Variants in EFCAB5 observed in about 807,000 individuals in gnomAD.
EFCAB5 encodes EF-hand calcium-binding domain-containing protein 5.
EFCAB5 carries 131 observed loss-of-function variants against 167.9 expected under a neutral mutation model. That is an observed-to-expected ratio of 0.78 (90% CI 0.68 to 0.90). The LOEUF (loss-of-function observed/expected upper bound fraction) is 0.90. Ranked by LOEUF, EFCAB5 falls within the 40% of genes least tolerant of loss-of-function variation. The probability of loss-of-function intolerance (pLI) is 0.00; values close to 1 mark genes in which losing one functional copy is unlikely to be tolerated. For missense variants in EFCAB5, 1,663 were observed against 1,745.2 expected (o/e 0.95, Z 0.84); for synonymous variants, 574 against 602.8 (o/e 0.95, Z 0.70).
At chr17:30,102,278 G>T (rs1267628574) in intron 22 of EFCAB5, among the ~76,000 whole-genome samples, 4 of 152,270 alleles carry the variant, frequency 2.6e-5, no homozygotes, top group African/African-American at 9.6e-5. Context: ...AGAAGAAGTT[G>T]TTGGGACTTT....
intron 4 of EFCAB5, among the ~76,000 whole-genome samples, chr17:29,975,280 A>G (rs1267790492): frequency 6.7e-6 from 1 of 148,790 alleles, no homozygotes; most frequent in Non-Finnish European, 1.5e-5. Flanking sequence ...TTTTTTTGAG[A>G]CGAAATCTCA....
chr17:29,981,176 T>G (rs2068166231), intron 4 of EFCAB5, among the ~76,000 whole-genome samples: 1 of 152,194 alleles, frequency 6.6e-6, no homozygotes, highest in South Asian at 2.1e-4. Flanking sequence ...ATGTGAACCC[T>G]TTCAGTGGTA....
chr17:29,947,571 T>A (rs993179963), intron 3 of EFCAB5, among the ~76,000 whole-genome samples: 38 of 152,080 alleles, frequency 2.5e-4, no homozygotes, highest in African/African-American at 7.7e-4. Flanking sequence ...AAATTTAAAA[T>A]TTTTTTTTAA....
chr17:30,075,406 G>A (rs1345075207), intron 14 of EFCAB5, among the ~76,000 whole-genome samples: 1 of 152,072 alleles, frequency 6.6e-6, no homozygotes, highest in Non-Finnish European at 1.5e-5. Context: ...ACATTTTCAT[G>A]TGGATTCCCT....
At chr17:30,022,999 C>T (rs1462648707) in intron 7 of EFCAB5, among the ~76,000 whole-genome samples, 2 of 151,732 alleles carry the variant, frequency 1.3e-5, no homozygotes, top group Non-Finnish European at 2.9e-5. Flanking sequence ...AAAGACACAA[C>T]ATACCAGAAT....
At chr17:29,947,669 C>G (rs1208905381) in intron 3 of EFCAB5, among the ~76,000 whole-genome samples, 2 of 152,056 alleles carry the variant, frequency 1.3e-5, no homozygotes, top group African/African-American at 2.4e-5. Context: ...AAATTTTCTT[C>G]CTGGCAAGTC....
chr17:30,086,795 G>C (rs910469028), intron 18 of EFCAB5, among the ~76,000 whole-genome samples: 1 of 152,142 alleles, frequency 6.6e-6, no homozygotes. Context: ...GGGAGGCTGA[G>C]GCAGGAGAAT....
chr17:29,947,440 G>A (rs1315257148), intron 3 of EFCAB5, among the ~76,000 whole-genome samples: 1 of 151,724 alleles, frequency 6.6e-6, no homozygotes, highest in Non-Finnish European at 1.5e-5. Flanking sequence ...GAGGGGCAAG[G>A]GATTTAAAAA....
chr17:29,960,782 T>A, intron 3 of EFCAB5, among the ~76,000 whole-genome samples: 1 of 152,204 alleles, frequency 6.6e-6, no homozygotes, highest in East Asian at 1.9e-4. Flanking sequence ...TTTGGATATA[T>A]ACATAGAAGT....
intron 14 of EFCAB5, among the ~76,000 whole-genome samples, chr17:30,066,198 T>A (rs970457652): frequency 1.3e-5 from 2 of 152,074 alleles, no homozygotes; most frequent in African/African-American, 2.4e-5. Context: ...ATAGACCACA[T>A]GCTAAGTCAC....
intron 22 of EFCAB5, among the ~76,000 whole-genome samples, chr17:30,105,401 C>A (rs895334425): frequency 2.6e-5 from 4 of 152,074 alleles, no homozygotes; most frequent in Admixed American, 2.6e-4. Flanking sequence ...GCAGGAAAAT[C>A]GCTTGAACCC....
In EFCAB5 at chr17:29,968,952, C is replaced by T. The variant is rs372679787; in HGVS notation, c.352C>T (p.Leu118Phe). The T allele has an allele frequency of 1.7e-5, 27 of 1,588,012 alleles. No homozygotes were observed. The African/African-American group carries it at 3.0e-4, about 17-fold the overall frequency. Reference sequence around the variant, plus strand: ...GCCAGAGCACACATGGAAGAAAAACCTTTTTGAAAGAATGGAGGCAAGAGC... The same window carrying T: ...GCCAGAGCACACATGGAAGAAAAACTTTTTTGAAAGAATGGAGGCAAGAGC... ...SKPEHTWKKN[L>F]FERMEARAQA... The change falls in exon 4 of 23, where the codon CTT becomes TTT. Residue 118 changes from leucine (L) to phenylalanine (F), a missense_variant. Coordinates refer to ENST00000394835, the MANE Select transcript of EFCAB5 (RefSeq NM_198529.4).
intron 6 of EFCAB5, among the ~76,000 whole-genome samples, chr17:29,997,925 G>A (rs1218489738): frequency 1.8e-4 from 27 of 148,338 alleles, no homozygotes; most frequent in Admixed American, 1.3e-3. Flanking sequence ...TTCCCTATAT[G>A]AAATTAGGTG....
chr17:29,972,623 C>T lies in EFCAB5; in HGVS notation c.767+3256C>T, dbSNP rs79547318. On this transcript the variant is annotated intron_variant, in intron 4 of 22. Transcript: ENST00000394835. ...ACCCTTCTTGATCCAGGAGTGGACC[C>T]TGGTCTCATTGGAGCCAGTTGGGGT... 8.7e-3 allele frequency: 1,341 copies of T among 154,616 alleles called. 7 individuals carry two copies. The highest frequency in any genetic ancestry group is 0.014 in the Non-Finnish European group (952 of 69,160). 9.6% of individuals were successfully genotyped at this position (154,616 alleles called of 1,614,324 possible).
At chr17:30,090,720 T>C in intron 20 of EFCAB5, 46 bp downstream of exon 20, 3 of 1,561,852 alleles carry the variant, frequency 1.9e-6, no homozygotes, top group Non-Finnish European at 2.6e-6. Flanking sequence ...TTTAATAGGT[T>C]TTGGGGAAAT....
At chr17:29,994,388 T>C (rs1158312988) in intron 5 of EFCAB5, among the ~76,000 whole-genome samples, 2 of 151,726 alleles carry the variant, frequency 1.3e-5, no homozygotes, top group Non-Finnish European at 2.9e-5. Flanking sequence ...AAAAGTGCCT[T>C]AGCTCCATCA....
At chr17:29,942,394 C>A in intron 2 of EFCAB5, 92 bp downstream of exon 2, 3 of 1,192,348 alleles carry the variant, frequency 2.5e-6, no homozygotes, top group Non-Finnish European at 3.4e-6. Context: ...TGTGGGTATT[C>A]AAAAAGATAA....
chr17:30,024,149 C>A (rs568444460), intron 7 of EFCAB5, among the ~76,000 whole-genome samples: 10 of 152,192 alleles, frequency 6.6e-5, no homozygotes, highest in African/African-American at 2.4e-4. Flanking sequence ...TCTCACCACT[C>A]CTATTCAACA....
chr17:30,014,894 C>T (rs2068994929), intron 7 of EFCAB5, among the ~76,000 whole-genome samples: 1 of 152,154 alleles, frequency 6.6e-6, no homozygotes, highest in Non-Finnish European at 1.5e-5. Context: ...TTCCTAGCCT[C>T]GATGGTCTTT....
Sources: gnomAD v4.1 joint callset for allele counts (sites outside exome capture counted in the v4.1 genomes callset) on GRCh38, gnomAD v4.1.1 for gene constraint, MANE v1.5 for transcripts, NCBI Gene and HGNC (gene_info 2026-07-23, HGNC 2026-07-21) for gene names.